The following TOMM20L variants were observed in gnomAD, a reference collection of about 807,000 sequenced individuals.
The protein encoded by TOMM20L is TOMM20-like protein 1.
A neutral mutation model predicts 20.4 loss-of-function variants in TOMM20L; 19 were observed. That is an observed-to-expected ratio of 0.93 (90% CI 0.65 to 1.36). The LOEUF is 1.36. Among genes scored for constraint, TOMM20L ranks in the 40% most tolerant of loss-of-function variants. The pLI is 0.00. For synonymous variants in TOMM20L, 75 were observed against 79.6 expected (o/e 0.94, Z 0.30); for missense variants, 218 against 203.7 (o/e 1.07, Z -0.43).
intron 3 of TOMM20L, among the ~76,000 whole-genome samples, chr14:58,404,676 T>C (rs1301357372): frequency 1.3e-5 from 2 of 152,188 alleles, no homozygotes; most frequent in African/African-American, 4.8e-5. Flanking sequence ...GCATTCAAAA[T>C]CACTGCACAT....
downstream of TOMM20L, among the ~76,000 whole-genome samples, chr14:58,411,422 T>G (rs905331611): frequency 6.6e-6 from 1 of 151,372 alleles, no homozygotes; most frequent in Non-Finnish European, 1.5e-5. Flanking sequence ...CACTCCAGCC[T>G]GGCCGACAAA....
Position 58,405,933 on chromosome 14 carries a change from A to T in TOMM20L, c.263-1393A>T, listed in dbSNP as rs1033518955. On this transcript the variant is annotated intron_variant, in intron 3 of 4. Transcript: ENST00000360945. ...ATTAAATCAGAATCTATGGGGCTGG[A>T]ACCCAGGTGTCAATATTTTTTTTAA... is the stretch of plus-strand genomic sequence containing the variant. Among the ~76,000 whole-genome samples the T allele has an allele frequency of 2.6e-5, 4 of 152,222 alleles. No homozygotes were observed. In the East Asian group the frequency reaches 7.7e-4, roughly 29 times the overall value.
At chr14:58,397,313 G>A (rs766622414) in intron 2 of TOMM20L, among the ~76,000 whole-genome samples, 9 of 152,136 alleles carry the variant, frequency 5.9e-5, no homozygotes, top group Non-Finnish European at 1.0e-4. Flanking sequence ...GAGAGAGCAC[G>A]CACATGCATG....
chr14:58,416,202 T>C, the TOMM20L span, among the ~76,000 whole-genome samples: 1 of 152,106 alleles, frequency 6.6e-6, no homozygotes, highest in African/African-American at 2.4e-5. Context: ...CATTCCAGCC[T>C]GGGTGACAGA....
downstream of TOMM20L, chr14:58,410,992 T>C: frequency 1.6e-6 from 2 of 1,276,756 alleles, no homozygotes; most frequent in South Asian, 2.6e-5. Context: ...CAAAGATGCT[T>C]TGAAACTTAA....
At chr14:58,403,079 A>G (rs1006985372) in intron 3 of TOMM20L, among the ~76,000 whole-genome samples, 1 of 152,226 alleles carries the variant, frequency 6.6e-6, no homozygotes, top group Non-Finnish European at 1.5e-5. Flanking sequence ...ACTTTTTGCC[A>G]GGTGTGGTGG....
rs1297266785 is a variant in TOMM20L, at chr14:58,402,539, C to T, written c.181-141C>T. On this transcript the variant is annotated intron_variant, in intron 2 of 4. Coordinates refer to ENST00000360945, the MANE Select transcript of TOMM20L (RefSeq NM_207377.3). ...CCGACCTCAGGTGATCTGCCTGCCT[C>T]GGCCTCCCAAAGTGTTGGGATTACA... 4.7e-5 allele frequency: 26 copies of T among 557,514 alleles called. No homozygotes were observed. In the East Asian group the frequency reaches 5.3e-4, roughly 11 times the overall value. 34.5% of individuals were successfully genotyped at this position (557,514 alleles called of 1,614,324 possible). A position where few individuals can be genotyped will look rare whatever the true frequency, so the allele number is the denominator to read the frequency against.
rs113642262 is a variant in TOMM20L, at chr14:58,402,974, G to A, written c.262+213G>A. On this transcript the variant is annotated intron_variant, in intron 3 of 4. Coordinates refer to ENST00000360945, the MANE Select transcript of TOMM20L (RefSeq NM_207377.3). ...GTCGTAGACTTGGAAGTGGGCAAAC[G>A]GAGTAGCAAAGCCAAATACAAAAAT... Among the ~76,000 whole-genome samples, 476 of 152,280 alleles carry A rather than the reference G, an allele frequency of 3.1e-3. 1 individual carries two copies. Among genetic ancestry groups the A allele is most frequent in the Non-Finnish European group, 5.1e-3 (345 of 68,010 alleles).
the TOMM20L span, among the ~76,000 whole-genome samples, chr14:58,415,473 T>G: frequency 3.3e-5 from 5 of 152,098 alleles, no homozygotes; most frequent in African/African-American, 1.2e-4. Flanking sequence ...ATGAACACAC[T>G]TGAAACAAAT....
intron 3 of TOMM20L, among the ~76,000 whole-genome samples, chr14:58,403,632 A>T (rs986403603): frequency 6.6e-6 from 1 of 151,820 alleles, no homozygotes; most frequent in Non-Finnish European, 1.5e-5. Flanking sequence ...AGGTCAGGAG[A>T]TTGAGACCAT....
At chr14:58,396,216 C>A in intron 1 of TOMM20L, 82 bp from the exon 2 acceptor site, 1 of 1,571,698 alleles carries the variant, frequency 6.4e-7, no homozygotes, top group Non-Finnish European at 8.6e-7. Context: ...GGGCCCGCGG[C>A]GCCCGGGCAG....
Position 58,408,160 on chromosome 14 carries a change from T to C in TOMM20L, c.406-369T>C, listed in dbSNP as rs1393548960. Among the ~76,000 whole-genome samples the C allele has an allele frequency of 2.6e-5, 4 of 152,274 alleles. No homozygotes were observed. In the East Asian group the frequency reaches 7.7e-4, roughly 29 times the overall value. On this transcript the variant is annotated intron_variant, in intron 4 of 4. Transcript: ENST00000360945. Reference sequence around the variant, plus strand: ...GGCCAGGCGCGGTGGCTCACGCCTGTAATCCTAGCACTTTGGGAGGCTGAG... The same window carrying C: ...GGCCAGGCGCGGTGGCTCACGCCTGCAATCCTAGCACTTTGGGAGGCTGAG...
downstream of TOMM20L, among the ~76,000 whole-genome samples, chr14:58,410,324 C>T (rs1051107317): frequency 1.3e-5 from 2 of 152,094 alleles, no homozygotes; most frequent in African/African-American, 4.8e-5. Context: ...ATCCACCTGC[C>T]TTGACCTCCC....
chr14:58,401,551 C>T (rs1350541428), intron 2 of TOMM20L, among the ~76,000 whole-genome samples: 3 of 142,138 alleles, frequency 2.1e-5, no homozygotes, highest in Non-Finnish European at 4.5e-5. Flanking sequence ...GCCTGGGCGA[C>T]AGAGCAAGAC....
At chr14:58,407,883 G>T (rs2036086383) in intron 4 of TOMM20L, among the ~76,000 whole-genome samples, 1 of 152,178 alleles carries the variant, frequency 6.6e-6, no homozygotes, top group Non-Finnish European at 1.5e-5. Context: ...ACTGCTTGGT[G>T]TATGTATGCA....
In TOMM20L at chr14:58,396,675, A is replaced by G. The variant is rs186130791; in HGVS notation, c.180+334A>G. ...GGACACTTAAAAACCCAGGCTGGCCACGGTCACATGGCAGTAACTTCTAGA... is the reference window on the plus strand; with the variant it reads ...GGACACTTAAAAACCCAGGCTGGCCGCGGTCACATGGCAGTAACTTCTAGA... On this transcript the variant is annotated intron_variant, in intron 2 of 4. Coordinates refer to ENST00000360945, the MANE Select transcript of TOMM20L (RefSeq NM_207377.3). Among the ~76,000 whole-genome samples the G allele has an allele frequency of 8.4e-4, 128 of 152,388 alleles. 3 individuals carry two copies. Among genetic ancestry groups the G allele is most frequent in the Non-Finnish European group, 1.5e-5 (1 of 68,036 alleles).
At chr14:58,410,237 AT>A (rs1044677682), downstream of TOMM20L, among the ~76,000 whole-genome samples, 1 of 150,712 alleles carries the variant, frequency 6.6e-6, no homozygotes, top group African/African-American at 2.4e-5. Flanking sequence ...TGTCTAGCTA[AT>A]TTTTTTTTGT....
intron 2 of TOMM20L, among the ~76,000 whole-genome samples, chr14:58,399,857 C>A (rs2035969679): frequency 7.7e-6 from 1 of 129,222 alleles, no homozygotes; most frequent in Admixed American, 8.7e-5. Flanking sequence ...TAAACAATGA[C>A]CAATTCTTAT....
At chr14:58,400,890 A>T (rs975528309) in intron 2 of TOMM20L, among the ~76,000 whole-genome samples, 1 of 152,114 alleles carries the variant, frequency 6.6e-6, no homozygotes, top group Non-Finnish European at 1.5e-5. Flanking sequence ...AAAACAAACA[A>T]ACAAACATTT....
Sources: allele counts gnomAD v4.1 joint callset (sites outside exome capture counted in the v4.1 genomes callset), GRCh38; gene constraint gnomAD v4.1.1; transcripts MANE v1.5; gene names NCBI Gene and HGNC (gene_info 2026-07-23, HGNC 2026-07-21).